The following ANKS1B variants were observed in gnomAD, a reference collection of about 807,000 sequenced individuals.
The protein encoded by ANKS1B is ankyrin repeat and sterile alpha motif domain containing 1B, also known as ankyrin repeat and sterile alpha motif domain-containing protein 1B.
In ANKS1B, 36 loss-of-function variants were observed where a neutral mutation model predicts 148.3. That is an observed-to-expected ratio of 0.24 (90% CI 0.19 to 0.32). The LOEUF is 0.32. ANKS1B is among the 10% of genes least tolerant of loss of function. The pLI, the probability that ANKS1B is intolerant of heterozygous loss-of-function variation, is 1.00. For missense variants in ANKS1B, 1,157 were observed against 1,542.6 expected, an observed-to-expected ratio of 0.75 and a Z score of 4.19; for synonymous variants, 542 against 560.8, an observed-to-expected ratio of 0.97 and a Z score of 0.47.
chr12:99,152,530 C>CTCTT (rs1254204992), intron 15 of ANKS1B, among the ~76,000 whole-genome samples: 1 of 152,102 alleles, frequency 6.6e-6, no homozygotes, highest in Non-Finnish European at 1.5e-5. Flanking sequence ...TTTACGATCT[C>CTCTT]TCTTTGAATG....
intron 12 of ANKS1B, among the ~76,000 whole-genome samples, chr12:99,247,471 C>T (rs1170753892): frequency 2.6e-5 from 4 of 152,028 alleles, no homozygotes; most frequent in African/African-American, 4.8e-5. Flanking sequence ...CAAAGGCAAA[C>T]AACGCAGTAT....
intron 14 of ANKS1B, chr12:99,154,911 A>G: frequency 6.5e-7 from 1 of 1,535,396 alleles, no homozygotes; most frequent in Non-Finnish European, 8.7e-7. Flanking sequence ...CCATCAGATA[A>G]GGCAGATTTT....
chr12:98,837,338 G>GAAAAA (rs528891920), intron 17 of ANKS1B, among the ~76,000 whole-genome samples: 1 of 129,666 alleles, frequency 7.7e-6, no homozygotes, highest in African/African-American at 2.9e-5. Flanking sequence ...CTCTGTCTCA[G>GAAAAA]AAAAAAAAAA....
intron 2 of ANKS1B, among the ~76,000 whole-genome samples, chr12:99,821,708 T>C (rs894966088): frequency 7.2e-5 from 11 of 152,024 alleles, no homozygotes; most frequent in Admixed American, 5.3e-4. Flanking sequence ...GCCCAAGATA[T>C]CCTGCCCATT....
At chr12:99,590,248 C>T (rs1255804535) in intron 9 of ANKS1B, among the ~76,000 whole-genome samples, 4 of 110,534 alleles carry the variant, frequency 3.6e-5, no homozygotes, top group African/African-American at 7.6e-5. Context: ...TCACTCACAC[C>T]CACACCCACC....
At chr12:99,576,061 C>T (rs973238893) in intron 9 of ANKS1B, among the ~76,000 whole-genome samples, 2 of 152,048 alleles carry the variant, frequency 1.3e-5, no homozygotes, top group African/African-American at 4.8e-5. Flanking sequence ...AAATATCTAT[C>T]AAGCAAACAG....
At chr12:99,454,153 A>G (rs904266475) in intron 10 of ANKS1B, among the ~76,000 whole-genome samples, 4 of 152,220 alleles carry the variant, frequency 2.6e-5, no homozygotes, top group Non-Finnish European at 4.4e-5. Flanking sequence ...AATGGAGATG[A>G]TGTTGGCAAG....
At chr12:99,962,170 T>G (rs1403811331) in intron 1 of ANKS1B, among the ~76,000 whole-genome samples, 1 of 152,118 alleles carries the variant, frequency 6.6e-6, no homozygotes, top group African/African-American at 2.4e-5. Flanking sequence ...TTGCTGCACC[T>G]ATTGACCCGT....
chr12:99,626,423 T>C (rs1436235713), intron 9 of ANKS1B, among the ~76,000 whole-genome samples: 1 of 152,176 alleles, frequency 6.6e-6, no homozygotes, highest in African/African-American at 2.4e-5. Flanking sequence ...CATCACTACA[T>C]GTTTGAAAAA....
rs1024056535 is a variant in ANKS1B at position 98,878,474 on chromosome 12, T to C, written c.2779-46338A>G. Among the ~76,000 whole-genome samples, 13 of 152,316 alleles carry C rather than the reference T, an allele frequency of 8.5e-5. No homozygotes were observed. In the East Asian group the frequency reaches 2.3e-3, roughly 27 times the overall value. On this transcript the variant is annotated intron_variant, in intron 17 of 26. Coordinates refer to ENST00000683438, the MANE Select transcript of ANKS1B (RefSeq NM_001352186.2). Reference sequence around the variant, plus strand: ...TGACAAAATCTATTATTACTGCCCATCTGGTGATCTGCTGCTCCCCTACCA... The same window carrying C: ...TGACAAAATCTATTATTACTGCCCACCTGGTGATCTGCTGCTCCCCTACCA...
chr12:99,982,583 TA>T (rs2095718522), intron 1 of ANKS1B, among the ~76,000 whole-genome samples: 1 of 152,210 alleles, frequency 6.6e-6, no homozygotes, highest in South Asian at 2.1e-4. Flanking sequence ...GTTGTTATTT[TA>T]CGTGTAACTT....
chr12:99,692,517 A>C (rs748665451), intron 8 of ANKS1B, among the ~76,000 whole-genome samples: 1 of 151,966 alleles, frequency 6.6e-6, no homozygotes, highest in Non-Finnish European at 1.5e-5. Flanking sequence ...CTAAAAATAC[A>C]AAAATTAGCT....
At chr12:99,310,839 T>C (rs1021166633) in intron 12 of ANKS1B, among the ~76,000 whole-genome samples, 43 of 152,314 alleles carry the variant, frequency 2.8e-4, no homozygotes, top group Middle Eastern at 3.4e-3. Context: ...CTAATACAAA[T>C]ATAAACTCTA....
In ANKS1B at chr12:99,401,624, A is replaced by G. The variant is rs1202145093; in HGVS notation, c.1576-1813T>C. 3.4e-5 allele frequency among the ~76,000 whole-genome samples: 5 copies of G among 146,616 alleles called. 1 individual carries two copies. The highest frequency in any genetic ancestry group is 5.1e-5 in the African/African-American group (2 of 38,918). ...TTCATTCTACAAATATTTGCTGAACATACACTAAACTGCAGATATCATGCA... is the reference window on the plus strand; with the variant it reads ...TTCATTCTACAAATATTTGCTGAACGTACACTAAACTGCAGATATCATGCA... On this transcript the variant is annotated intron_variant, in intron 11 of 26. Coordinates refer to ENST00000683438, the MANE Select transcript of ANKS1B (RefSeq NM_001352186.2).
intron 10 of ANKS1B, among the ~76,000 whole-genome samples, chr12:99,460,076 T>C (rs1441627569): frequency 2.6e-5 from 4 of 151,942 alleles, no homozygotes; most frequent in African/African-American, 9.7e-5. Context: ...TGGAACTGAA[T>C]AGAGAATCCA....
At chr12:98,841,171 T>C (rs2099403804) in intron 17 of ANKS1B, among the ~76,000 whole-genome samples, 2 of 152,190 alleles carry the variant, frequency 1.3e-5, no homozygotes, top group South Asian at 4.1e-4. Context: ...TTATGATCAA[T>C]TATATTGTGT....
intron 14 of ANKS1B, among the ~76,000 whole-genome samples, chr12:99,224,736 T>G (rs2085631144): frequency 6.6e-6 from 1 of 152,130 alleles, no homozygotes; most frequent in Admixed American, 6.5e-5. Context: ...CACTGTTATT[T>G]TAAAGAATAA....
intron 17 of ANKS1B, among the ~76,000 whole-genome samples, chr12:98,993,366 G>A (rs1021174297): frequency 6.6e-6 from 1 of 151,994 alleles, no homozygotes; most frequent in Non-Finnish European, 1.5e-5. Context: ...ATGGGGTTTC[G>A]CTATGTTGGC....
chr12:98,846,025 C>CACAT (rs112172281), intron 17 of ANKS1B, among the ~76,000 whole-genome samples: 12,924 of 149,916 alleles, frequency 0.086, 1,784 homozygotes, highest in African/African-American at 0.29. Flanking sequence ...CACATACACA[C>CACAT]ATATATATAT....
Sources: gnomAD v4.1 joint callset for allele counts (sites outside exome capture counted in the v4.1 genomes callset) on GRCh38, gnomAD v4.1.1 for gene constraint, MANE v1.5 for transcripts, NCBI Gene and HGNC (gene_info 2026-07-23, HGNC 2026-07-21) for gene names.